AOX1: variants seen among roughly 807,000 people sequenced by gnomAD.
The protein encoded by AOX1 is aldehyde oxidase.
Under a neutral mutation model 169.5 loss-of-function variants are expected in AOX1, and 153 were observed. The ratio of observed to expected loss-of-function variants is 0.90; its 90% confidence interval spans 0.79 to 1.03. The LOEUF (loss-of-function observed/expected upper bound fraction) is 1.03. AOX1 is among the 50% of genes least tolerant of loss of function. AOX1 has a pLI of 0.00. For synonymous variants in AOX1, 562 were observed against 581.9 expected, an observed-to-expected ratio of 0.97 and a Z score of 0.49; for missense variants, 1,656 against 1,663.9, an observed-to-expected ratio of 1.00 and a Z score of 0.08.
intron 20 of AOX1, among the ~76,000 whole-genome samples, chr2:200,629,504 C>G (rs1195695049): frequency 6.6e-6 from 1 of 152,154 alleles, no homozygotes; most frequent in East Asian, 1.9e-4. Flanking sequence ...TTATAGGAAT[C>G]ACTGAGGATA....
chr2:200,594,264 T>C (rs2034233898), intron 2 of AOX1, among the ~76,000 whole-genome samples: 1 of 152,166 alleles, frequency 6.6e-6, no homozygotes, highest in South Asian at 2.1e-4. Context: ...TGTCTCTCCA[T>C]AGCACTAAGC....
chr2:200,626,038 C>T (rs1454708045), intron 19 of AOX1, among the ~76,000 whole-genome samples: 1 of 152,174 alleles, frequency 6.6e-6, no homozygotes, highest in Non-Finnish European at 1.5e-5. Flanking sequence ...TCAACAACAA[C>T]ATGAGCATAG....
In AOX1 at chr2:200,666,707, C is replaced by T. The variant is rs773172424; in HGVS notation, c.3564C>T (p.Val1188=). 11 of 1,610,152 alleles carry T rather than the reference C, an allele frequency of 6.8e-6. No homozygotes were observed. The highest frequency in any genetic ancestry group is 9.3e-6 in the Non-Finnish European group (11 of 1,178,666). ...GDHKNIRTDI[V]MDVGCSINPA... is the part of the protein sequence containing the mutation. ...ACTAGAACATCAGAACAGACATTGT[C>T]ATGGATGTTGGCTGCAGTATAAATC... The change falls in exon 32 of 35, where the codon GTC becomes GTT. Residue 1188 remains valine, a synonymous_variant. Transcript: ENST00000374700.
chr2:200,590,376 C>G (rs576908209), intron 1 of AOX1, among the ~76,000 whole-genome samples: 9 of 152,244 alleles, frequency 5.9e-5, no homozygotes, highest in African/African-American at 1.9e-4. Flanking sequence ...ATGCAATGAC[C>G]CTGACCTGAG....
chr2:200,657,165 AATATAT>A (rs1553578034), intron 27 of AOX1, among the ~76,000 whole-genome samples: 2 of 88,408 alleles, frequency 2.3e-5, no homozygotes, highest in African/African-American at 5.2e-5. Context: ...CTCTACCAAA[AATATAT>A]ATATATATAT....
chr2:200,663,568 A>ACTCTCTCTCTCT (rs1553579755), intron 31 of AOX1, among the ~76,000 whole-genome samples: 4 of 123,508 alleles, frequency 3.2e-5, no homozygotes, highest in African/African-American at 1.2e-4. Flanking sequence ...ACACACACAC[A>ACTCTCTCTCTCT]CACACTCTCT....
rs376081123 is a variant in AOX1, at chr2:200,661,841, TA to T, written c.3428+211del. Among the ~76,000 whole-genome samples, 615 of 152,276 alleles carry T rather than the reference TA, an allele frequency of 4.0e-3. 2 individuals carry two copies. Among genetic ancestry groups the T allele is most frequent in the Non-Finnish European group, 6.8e-3 (464 of 68,024 alleles). ...CCAGAAAGACTTCTGTTAGGAAAAA[TA>T]GGCACACAAAATTCAGCTTAACTGA... is the stretch of plus-strand genomic sequence containing the variant. On this transcript the variant is annotated intron_variant, in intron 30 of 34. Transcript: ENST00000374700.
chr2:200,643,235 T>C (rs2035390114), intron 25 of AOX1, among the ~76,000 whole-genome samples: 1 of 151,910 alleles, frequency 6.6e-6, no homozygotes, highest in African/African-American at 2.4e-5. Context: ...TTTTTATTTA[T>C]TTATTTCCAT....
At chr2:200,597,192 T>C (rs2034300494) in intron 3 of AOX1, among the ~76,000 whole-genome samples, 1 of 152,250 alleles carries the variant, frequency 6.6e-6, no homozygotes, top group Non-Finnish European at 1.5e-5. Context: ...ACACTCTGGC[T>C]GTGACCCTGA....
chr2:200,653,664 C>T (rs984505869), intron 26 of AOX1, among the ~76,000 whole-genome samples: 1 of 152,216 alleles, frequency 6.6e-6, no homozygotes, highest in African/African-American at 2.4e-5. Context: ...CGTGCCCCAC[C>T]TGTGTTATGC....
chr2:200,617,526 T>C (rs916294037), intron 16 of AOX1, among the ~76,000 whole-genome samples: 6 of 148,020 alleles, frequency 4.1e-5, no homozygotes, highest in African/African-American at 1.5e-4. Context: ...TCTTTGACGG[T>C]AGGACAAAGA....
intron 24 of AOX1, among the ~76,000 whole-genome samples, chr2:200,641,611 TG>T (rs1326306375): frequency 2.0e-5 from 3 of 152,100 alleles, no homozygotes; most frequent in Non-Finnish European, 4.4e-5. Context: ...GTGCCCAGGC[TG>T]TAGTGCGGTG....
Position 200,593,690 on chromosome 2 carries a change from G to A in AOX1, c.103+487G>A, listed in dbSNP as rs73044180. Among the ~76,000 whole-genome samples the A allele has an allele frequency of 2.7e-3, 410 of 152,294 alleles. 2 individuals carry two copies. The East Asian group carries it at 0.034, about 13-fold the overall frequency. Reference sequence around the variant, plus strand: ...ATGCATGAACTCCAGTGGGCTACCCGACGGTGAAAGACACTACTGAATTAT... The same window carrying A: ...ATGCATGAACTCCAGTGGGCTACCCAACGGTGAAAGACACTACTGAATTAT... On this transcript the variant is annotated intron_variant, in intron 2 of 34. Transcript: ENST00000374700.
In AOX1 at chr2:200,676,614, AAAG is replaced by A. The variant is rs1231282657; in HGVS notation, c.487-241_487-239del. Among the ~76,000 whole-genome samples the A allele has an allele frequency of 6.5e-4, 97 of 148,540 alleles. 1 individual carries two copies. Among genetic ancestry groups the A allele is most frequent in the South Asian group, 2.5e-3 (12 of 4,738 alleles). Reference sequence around the variant, plus strand: ...GACTACATCTCAAAAAAAAAAAAAAAAAGAAGAAGAAGAAGAAGAAGAAGATAG... The same window carrying A: ...GACTACATCTCAAAAAAAAAAAAAAAAAGAAGAAGAAGAAGAAGAAGATAG... On this transcript the variant is annotated intron_variant, in intron 4 of 4. Transcript: ENST00000439380.
chr2:200,599,722 G>T lies in AOX1; in HGVS notation c.412G>T (p.Asp138Tyr), dbSNP rs772723600. ...CAGGAACCACCCAGAGCCCACTCTG[G>T]ATCAGTTAACTGATGCCCTTGGTGG... is the stretch of plus-strand genomic sequence containing the variant. Reference protein sequence around the residue: ...LLRNHPEPTLDQLTDALGGNL... With the variant: ...LLRNHPEPTLYQLTDALGGNL... The change falls in exon 5 of 35, where the codon GAT becomes TAT. Residue 138 changes from aspartate to tyrosine, a missense_variant. Transcript: ENST00000374700. 6.2e-7 allele frequency: 1 copy of T among 1,604,970 alleles called. No individual in the cohort carries two copies. The highest frequency in any genetic ancestry group is 1.1e-5 in the South Asian group (1 of 89,962).
chr2:200,656,717 G>T (rs183444440), intron 26 of AOX1, 125 bp from the exon 27 acceptor site: 18 of 531,806 alleles, frequency 3.4e-5, no homozygotes, highest in East Asian at 7.4e-5. Context: ...AACCTAAAAT[G>T]TTGCTCCACC....
rs780830888 is a variant in AOX1 at position 200,612,652 on chromosome 2, A to ATGCGCTAGCGAT, written c.1308_1319dup (p.Ala437_Ile440dup). On this transcript the variant is annotated inframe_insertion, in exon 14 of 35. Transcript: ENST00000374700. ...TTCCGACAAGCCCAGCGACAGGAGA[A>ATGCGCTAGCGAT]TGCGCTAGCGATAGTCAATTCAGGA... is the stretch of plus-strand genomic sequence containing the variant. 1.5e-5 allele frequency: 24 copies of ATGCGCTAGCGAT among 1,613,958 alleles called. No individual in the cohort carries two copies. In the East Asian group the frequency reaches 4.9e-4, roughly 33 times the overall value.
At chr2:200,640,624 G>A (rs11676316) in intron 23 of AOX1, among the ~76,000 whole-genome samples, 1 of 152,334 alleles carries the variant, frequency 6.6e-6, no homozygotes, top group African/African-American at 2.4e-5. Flanking sequence ...GAACGATGAA[G>A]AGCTTGTTTG....
intron 14 of AOX1, 94 bp from the exon 15 acceptor site, chr2:200,613,710 T>C (rs1371880124): frequency 2.4e-6 from 3 of 1,241,874 alleles, no homozygotes; most frequent in Non-Finnish European, 3.3e-6. Flanking sequence ...TCTTATTTCC[T>C]GTATTAAACT....
Sources: allele counts gnomAD v4.1 joint callset (sites outside exome capture counted in the v4.1 genomes callset), GRCh38; gene constraint gnomAD v4.1.1; transcripts MANE v1.5; gene names NCBI Gene and HGNC (gene_info 2026-07-23, HGNC 2026-07-21).